CTNNA3: variants seen among roughly 807,000 people sequenced by gnomAD.
The protein encoded by CTNNA3 is catenin alpha-3.
A neutral mutation model predicts 95.7 loss-of-function variants in CTNNA3; 76 were observed. The ratio of observed to expected loss-of-function variants is 0.79; its 90% CI spans 0.66 to 0.96. CTNNA3 has a LOEUF of 0.96. CTNNA3 is among the 40% of genes least tolerant of loss of function. The pLI is 0.00. For synonymous variants in CTNNA3, 431 were observed against 374.4 expected (o/e 1.15, Z -1.74); for missense variants, 1,191 against 1,089.8 (o/e 1.09, Z -1.31).
At position 67,373,562 on chromosome 10, in the gene CTNNA3, T is replaced by A. The variant is rs1038364422; in HGVS notation, c.579+148280A>T. Among the ~76,000 whole-genome samples, 5 of 152,114 alleles carry A rather than the reference T, an allele frequency of 3.3e-5. No homozygotes were observed. In the East Asian group the frequency reaches 7.7e-4, roughly 23 times the overall value. ...CACCCAACTGTCAACATTAGACAGA[T>A]CCATGAGACAGAAAGTTAACAAAGA... On this transcript the variant is annotated intron_variant, in intron 5 of 17. Transcript: ENST00000433211.
chr10:66,532,991 C>T (rs776223805), intron 10 of CTNNA3, among the ~76,000 whole-genome samples: 3 of 152,128 alleles, frequency 2.0e-5, no homozygotes, highest in Non-Finnish European at 4.4e-5. Context: ...CCACTCTACA[C>T]GATCATTATC....
chr10:65,974,616 G>A (rs1392899840), intron 16 of CTNNA3, among the ~76,000 whole-genome samples: 1 of 152,098 alleles, frequency 6.6e-6, no homozygotes, highest in Non-Finnish European at 1.5e-5. Flanking sequence ...AGGGAGTAAA[G>A]GCTTGAGAAA....
chr10:66,511,455 A>T (rs1589357169), intron 11 of CTNNA3, among the ~76,000 whole-genome samples: 1 of 131,436 alleles, frequency 7.6e-6, no homozygotes, highest in Non-Finnish European at 1.7e-5. Flanking sequence ...GAGGTGTATC[A>T]CTAGGTTATT....
intron 3 of CTNNA3, among the ~76,000 whole-genome samples, chr10:67,588,081 G>C (rs919486899): frequency 6.6e-6 from 1 of 151,836 alleles, no homozygotes; most frequent in African/African-American, 2.4e-5. Flanking sequence ...CTGTCTCCTT[G>C]ATTTCTCATT....
intron 16 of CTNNA3, among the ~76,000 whole-genome samples, chr10:65,969,967 A>G (rs531900572): frequency 2.0e-5 from 3 of 152,236 alleles, no homozygotes; most frequent in Non-Finnish European, 4.4e-5. Context: ...AAGGCATATA[A>G]TCACCAGACT....
In CTNNA3 at chr10:66,376,248, T is replaced by C. The variant is rs1360782780; in HGVS notation, c.1732+2904A>G. On this transcript the variant is annotated intron_variant, in intron 12 of 17. Transcript: ENST00000433211. ...TCACAATACAGTCCAGAAGGTTTAT[T>C]ATTTATTTAAAAAGCTAATATATTC... Among the ~76,000 whole-genome samples, 3 of 152,220 alleles carry C rather than the reference T, an allele frequency of 2.0e-5. No homozygotes were observed. In the South Asian group the frequency reaches 6.2e-4, roughly 32 times the overall value.
At chr10:67,032,033 G>T (rs1487803275) in intron 7 of CTNNA3, among the ~76,000 whole-genome samples, 1 of 152,118 alleles carries the variant, frequency 6.6e-6, no homozygotes, top group Non-Finnish European at 1.5e-5. Context: ...TGCATAATTT[G>T]TCTGCCTTCT....
At chr10:66,761,661 A>T (rs1209938211) in intron 9 of CTNNA3, among the ~76,000 whole-genome samples, 1 of 152,188 alleles carries the variant, frequency 6.6e-6, no homozygotes, top group African/African-American at 2.4e-5. Context: ...TTAATAATAA[A>T]TAATGCATTT....
At chr10:66,901,702 G>A (rs1845753830) in intron 7 of CTNNA3, among the ~76,000 whole-genome samples, 1 of 151,854 alleles carries the variant, frequency 6.6e-6, no homozygotes, top group Non-Finnish European at 1.5e-5. Context: ...CAAATGGAAA[G>A]CCAAAAAAAA....
chr10:67,302,085 AAGAAAGAAAG>A (rs1211350347), intron 5 of CTNNA3, among the ~76,000 whole-genome samples: 18 of 133,096 alleles, frequency 1.4e-4, no homozygotes, highest in African/African-American at 4.7e-4. Flanking sequence ...GAAAGAAAGA[AAGAAAGAAAG>A]AAAATCCTTT....
At chr10:66,455,249 A>G (rs1369845301) in intron 11 of CTNNA3, among the ~76,000 whole-genome samples, 2 of 152,192 alleles carry the variant, frequency 1.3e-5, no homozygotes, top group African/African-American at 4.8e-5. Context: ...CTTGTGCTAG[A>G]AATTCTAACT....
intron 5 of CTNNA3, among the ~76,000 whole-genome samples, chr10:67,389,527 A>G (rs961863610): frequency 7.2e-5 from 11 of 152,224 alleles, no homozygotes; most frequent in Middle Eastern, 3.4e-3. Flanking sequence ...AAGGATACCC[A>G]GGAATTGAAC....
chr10:66,615,253 T>C (rs1358913888), intron 10 of CTNNA3, among the ~76,000 whole-genome samples: 2 of 152,056 alleles, frequency 1.3e-5, no homozygotes, highest in Admixed American at 6.6e-5. Flanking sequence ...ATGAATAATG[T>C]GCTAGTGTCA....
At chr10:67,450,941 C>T (rs904103399) in intron 5 of CTNNA3, among the ~76,000 whole-genome samples, 2 of 151,770 alleles carry the variant, frequency 1.3e-5, no homozygotes, top group Admixed American at 6.6e-5. Flanking sequence ...GACTTAGAAC[C>T]TGCTATGGTT....
chr10:66,041,469 A>G (rs1467363468), intron 15 of CTNNA3, among the ~76,000 whole-genome samples: 1 of 152,236 alleles, frequency 6.6e-6, no homozygotes, highest in African/African-American at 2.4e-5. Context: ...TTACCTTAAC[A>G]TTCAGGGAAG....
intron 5 of CTNNA3, among the ~76,000 whole-genome samples, chr10:67,344,825 T>G (rs1842352143): frequency 6.6e-6 from 1 of 152,040 alleles, no homozygotes; most frequent in African/African-American, 2.4e-5. Flanking sequence ...TATATTGTTT[T>G]CATTTCAATT....
chr10:67,339,825 G>T (rs1842115864), intron 5 of CTNNA3, among the ~76,000 whole-genome samples: 1 of 152,102 alleles, frequency 6.6e-6, no homozygotes, highest in African/African-American at 2.4e-5. Flanking sequence ...GTGAAGATGT[G>T]CTTTGTTTTG....
At chr10:66,142,109 A>G (rs2083648473) in intron 13 of CTNNA3, among the ~76,000 whole-genome samples, 1 of 151,968 alleles carries the variant, frequency 6.6e-6, no homozygotes, top group Admixed American at 6.6e-5. Context: ...TTTTTCTCCT[A>G]CCTTTTAGAA....
chr10:66,633,300 T>A (rs1845210572), intron 9 of CTNNA3, among the ~76,000 whole-genome samples: 5 of 151,856 alleles, frequency 3.3e-5, no homozygotes, highest in Admixed American at 3.3e-4. Flanking sequence ...GTAAAAAAAA[T>A]AAAATGTTAT....
Sources: allele counts gnomAD v4.1 joint callset (sites outside exome capture counted in the v4.1 genomes callset), GRCh38; gene constraint gnomAD v4.1.1; transcripts MANE v1.5; gene names NCBI Gene and HGNC (gene_info 2026-07-23, HGNC 2026-07-21).